The following CUL5 variants were observed in gnomAD, a reference collection of about 807,000 sequenced individuals.
CUL5 encodes the protein cullin-5.
CUL5 carries 26 observed loss-of-function variants against 108.8 expected under a neutral mutation model. The ratio of observed to expected loss-of-function variants is 0.24; its 90% CI spans 0.18 to 0.33. The LOEUF (loss-of-function observed/expected upper bound fraction) is 0.33. Among genes scored for constraint, CUL5 ranks in the 10% least tolerant of loss-of-function variants. CUL5 has a pLI of 1.00. For missense variants in CUL5, 524 were observed against 909.2 expected, an observed-to-expected ratio of 0.58 and a Z score of 5.45; for synonymous variants, 334 against 298.0, an observed-to-expected ratio of 1.12 and a Z score of -1.25.
Position 108,014,325 on chromosome 11 carries a change from A to G in CUL5, c.24+4953A>G, listed in dbSNP as rs1448318695. 2.0e-5 allele frequency among the ~76,000 whole-genome samples: 3 copies of G among 152,214 alleles called. No individual in the cohort carries two copies. In the East Asian group the frequency reaches 5.8e-4, roughly 29 times the overall value. ...ATGCTGTGTTAGATATTCTATATGAATAGTGTTCCTTGGGATTGTTGCAGC... is the reference window on the plus strand; with the variant it reads ...ATGCTGTGTTAGATATTCTATATGAGTAGTGTTCCTTGGGATTGTTGCAGC... On this transcript the variant is annotated intron_variant, in intron 1 of 18. Transcript: ENST00000393094.
intron 7 of CUL5, among the ~76,000 whole-genome samples, chr11:108,062,721 T>C (rs1591308043): frequency 6.6e-6 from 1 of 152,082 alleles, no homozygotes; most frequent in African/African-American, 2.4e-5. Flanking sequence ...TTATCCTTTG[T>C]GTTACAGACA....
At chr11:108,074,812 A>C (rs904366504) in intron 10 of CUL5, among the ~76,000 whole-genome samples, 1 of 152,176 alleles carries the variant, frequency 6.6e-6, no homozygotes, top group Non-Finnish European at 1.5e-5. Flanking sequence ...GTCTCAAAAA[A>C]TAAATAAATA....
chr11:108,094,495 TA>T lies in CUL5; in HGVS notation c.1550del (p.Asn517IlefsTer12). The T allele has an allele frequency of 6.8e-7, 1 of 1,461,338 alleles. No individual in the cohort carries two copies. Among genetic ancestry groups the T allele is most frequent in the Non-Finnish European group, 9.4e-7 (1 of 1,062,596 alleles). 90.5% of individuals were successfully genotyped at this position (1,461,338 alleles called of 1,614,324 possible). On this transcript the variant is annotated frameshift_variant, in exon 14 of 19. Coordinates refer to ENST00000393094, the MANE Select transcript of CUL5 (RefSeq NM_003478.6). LOFTEE classifies it high-confidence loss of function. ...NQAFKEMHKN[N>X]KLALPADSVN... ...AAGCTTTTAAGGAAATGCACAAAAATAATAAATTGGCATTACCAGGTATTAT... is the reference window on the plus strand; with the variant it reads ...AAGCTTTTAAGGAAATGCACAAAAATATAAATTGGCATTACCAGGTATTAT...
chr11:108,081,694 G>C (rs1006619071), intron 11 of CUL5, among the ~76,000 whole-genome samples: 5 of 152,210 alleles, frequency 3.3e-5, no homozygotes, highest in Admixed American at 6.5e-5. Flanking sequence ...AGAGCTTGCA[G>C]TGAGCTGAGA....
In CUL5 at chr11:108,104,277, T is replaced by C; in HGVS notation, c.2236T>C (p.Phe746Leu). Residue 746 changes from phenylalanine (F) to leucine (L), a missense_variant, in exon 19 of 19, where the codon TTC becomes CTC. Phe to Leu is a conservative substitution (Grantham distance 22, BLOSUM62 0). Transcript: ENST00000393094. The part of the protein sequence containing the change: ...TELVEILKNM[F>L]LPQKKMIKEQ... ...ATTAGTAGAAATTTTGAAAAACATG[T>C]TCTTGCCACAAAAGAAAATGATAAA... is the stretch of plus-strand genomic sequence containing the variant. The C allele has an allele frequency of 1.2e-6, 2 of 1,611,018 alleles. No homozygotes were observed. The highest frequency in any genetic ancestry group is 1.7e-6 in the Non-Finnish European group (2 of 1,178,998).
intron 7 of CUL5, among the ~76,000 whole-genome samples, chr11:108,060,932 T>C (rs950810836): frequency 1.8e-4 from 28 of 152,110 alleles, no homozygotes; most frequent in African/African-American, 6.8e-4. Context: ...CTTATTGGAG[T>C]GCCTGCTGTG....
chr11:108,066,306 T>C (rs1303526100), intron 7 of CUL5, among the ~76,000 whole-genome samples: 1 of 151,966 alleles, frequency 6.6e-6, no homozygotes, highest in East Asian at 1.9e-4. Flanking sequence ...ATCACGCCAC[T>C]GCACTCCAGC....
intron 1 of CUL5, among the ~76,000 whole-genome samples, chr11:108,031,606 G>A (rs1158273137): frequency 1.3e-5 from 2 of 152,164 alleles, no homozygotes; most frequent in Non-Finnish European, 2.9e-5. Context: ...TTGTAGGTGT[G>A]TGGTCTTATT....
intron 1 of CUL5, among the ~76,000 whole-genome samples, chr11:108,032,559 A>G (rs1862617261): frequency 6.6e-6 from 1 of 152,032 alleles, no homozygotes; most frequent in Non-Finnish European, 1.5e-5. Context: ...GAAAAGGAGT[A>G]CTAATGACTA....
rs1864829634 is a variant in CUL5 at position 108,107,471 on chromosome 11, A to G, written c.*3087A>G. The G allele has an allele frequency of 6.6e-6, 1 of 152,610 alleles. No individual in the cohort carries two copies. Among genetic ancestry groups the G allele is most frequent in the Admixed American group, 6.5e-5 (1 of 15,280 alleles). 9.5% of individuals were successfully genotyped at this position (152,610 alleles called of 1,614,324 possible). A position where few individuals can be genotyped will look rare whatever the true frequency, so the allele number is the denominator to read the frequency against. ...CTGTCTTATGAATTCTTCCAAGGTC[A>G]TGTTTGTGAAATAAACATTACATGA... On this transcript the variant is annotated 3_prime_UTR_variant, in exon 19 of 19. Transcript: ENST00000393094.
At chr11:108,025,859 T>G (rs1862440751) in intron 1 of CUL5, among the ~76,000 whole-genome samples, 1 of 152,150 alleles carries the variant, frequency 6.6e-6, no homozygotes, top group African/African-American at 2.4e-5. Flanking sequence ...CCCTAGCGGC[T>G]GTTTGGGTTT....
At chr11:108,090,460 C>T (rs971071324) in intron 13 of CUL5, among the ~76,000 whole-genome samples, 1 of 152,096 alleles carries the variant, frequency 6.6e-6, no homozygotes, top group Non-Finnish European at 1.5e-5. Context: ...CACTGAACTC[C>T]AGCCTGGGTG....
At chr11:108,096,964 A>G (rs1022741832) in intron 16 of CUL5, among the ~76,000 whole-genome samples, 1 of 152,188 alleles carries the variant, frequency 6.6e-6, no homozygotes, top group Non-Finnish European at 1.5e-5. Flanking sequence ...GATTGTACTC[A>G]TTAGCCCCCT....
chr11:108,088,632 A>G lies in CUL5; in HGVS notation c.1284A>G (p.Glu428=). The G allele has an allele frequency of 6.2e-7, 1 of 1,601,540 alleles. No homozygotes were observed. The highest frequency in any genetic ancestry group is 8.5e-7 in the Non-Finnish European group (1 of 1,176,336). ...KTPLSKKLTS[E]EIEAKLKEVL... ...CATTAAGCAAAAAACTAACCTCTGA[A>G]GAGATTGAAGCAAAGCTTAAAGAAG... The change falls in exon 12 of 19, where the codon GAA becomes GAG. Residue 428 remains glutamate, a synonymous_variant. Transcript: ENST00000393094.
chr11:108,085,988 G>A lies in CUL5; in HGVS notation c.1179-2539G>A, dbSNP rs145033622. Among the ~76,000 whole-genome samples the A allele has an allele frequency of 5.5e-3, 831 of 152,254 alleles. 6 individuals carry two copies. The highest frequency in any genetic ancestry group is 7.7e-3 in the Non-Finnish European group (525 of 68,022). On this transcript the variant is annotated intron_variant, in intron 11 of 18. Transcript: ENST00000393094. ...ATATCAGTAATTATTAATAAGCTTA[G>A]ATAATAAATAGCAATGAAGATATAA...
chr11:108,104,102 G>A (rs902341595), intron 18 of CUL5, 88 bp from the exon 19 acceptor site: 6 of 750,530 alleles, frequency 8.0e-6, no homozygotes, highest in Non-Finnish European at 1.1e-5. Flanking sequence ...GATAGAGGAT[G>A]AATATGCATA....
At chr11:108,103,612 A>G (rs1450400315) in intron 18 of CUL5, among the ~76,000 whole-genome samples, 4 of 152,216 alleles carry the variant, frequency 2.6e-5, no homozygotes, top group African/African-American at 4.8e-5. Context: ...GGGGTTTGTT[A>G]TATTTTAATT....
intron 2 of CUL5, among the ~76,000 whole-genome samples, chr11:108,036,808 AC>A (rs1862757389): frequency 1.3e-5 from 2 of 152,024 alleles, no homozygotes; most frequent in South Asian, 2.1e-4. Context: ...AATTTAATCA[AC>A]CCCCAGCAGT....
At chr11:108,021,068 A>G (rs1396031657) in intron 1 of CUL5, among the ~76,000 whole-genome samples, 1 of 152,236 alleles carries the variant, frequency 6.6e-6, no homozygotes, top group Admixed American at 6.5e-5. Flanking sequence ...TACATGCTAT[A>G]TAGGTTGGTA....
Sources: allele counts gnomAD v4.1 joint callset (sites outside exome capture counted in the v4.1 genomes callset), GRCh38; gene constraint gnomAD v4.1.1; transcripts MANE v1.5; gene names NCBI Gene and HGNC (gene_info 2026-07-23, HGNC 2026-07-21).